The following CACNA1A variants were observed in gnomAD, a reference collection of about 807,000 sequenced individuals.
The protein encoded by CACNA1A is voltage-dependent P/Q-type calcium channel subunit alpha-1A.
A neutral mutation model predicts 262.4 loss-of-function variants in CACNA1A; 57 were observed. That is an observed-to-expected ratio of 0.22 (90% confidence interval 0.18 to 0.27). The LOEUF is 0.27. Among genes scored for constraint, CACNA1A ranks in the 10% least tolerant of loss-of-function variants. The probability of loss-of-function intolerance (pLI) is 1.00; values close to 1 mark genes in which losing one functional copy is unlikely to be tolerated. For synonymous variants in CACNA1A, 1,431 were observed against 1,419.3 expected (o/e 1.01, Z -0.18); for missense variants, 2,526 against 3,562.8 (o/e 0.71, Z 7.41).
chr19:13,239,112 C>T (rs2055982820), intron 31 of CACNA1A, among the ~76,000 whole-genome samples: 1 of 94,342 alleles, frequency 1.1e-5, no homozygotes, highest in South Asian at 2.3e-4. Flanking sequence ...CCAGTCGCGC[C>T]TCCCCTGCTT....
chr19:13,370,268 G>T (rs984388745), intron 4 of CACNA1A, among the ~76,000 whole-genome samples: 3 of 151,654 alleles, frequency 2.0e-5, no homozygotes, highest in Non-Finnish European at 4.4e-5. Context: ...GCCCGGCTAA[G>T]TTTTGTATTT....
chr19:13,279,508 T>A (rs1029388509), intron 22 of CACNA1A, among the ~76,000 whole-genome samples: 1 of 152,056 alleles, frequency 6.6e-6, no homozygotes, highest in Non-Finnish European at 1.5e-5. Flanking sequence ...TTTTTTGAGA[T>A]GGTGTCTCAC....
intron 6 of CACNA1A, among the ~76,000 whole-genome samples, chr19:13,343,985 A>G (rs897648550): frequency 6.6e-6 from 1 of 152,160 alleles, no homozygotes; most frequent in Non-Finnish European, 1.5e-5. Context: ...CTAAGGCAGG[A>G]GGATCGCTTG....
intron 1 of CACNA1A, among the ~76,000 whole-genome samples, chr19:13,496,710 T>G (rs1018409867): frequency 1.3e-5 from 2 of 152,168 alleles, no homozygotes; most frequent in African/African-American, 2.4e-5. Context: ...AGCAGAATAT[T>G]AACACTTATG....
chr19:13,325,238 C>T (rs1399362025), intron 10 of CACNA1A, among the ~76,000 whole-genome samples: 4 of 148,564 alleles, frequency 2.7e-5, no homozygotes, highest in African/African-American at 5.0e-5. Context: ...GTGTCTCACA[C>T]CTGTAATCAC....
chr19:13,479,546 A>C (rs543710413), intron 1 of CACNA1A, among the ~76,000 whole-genome samples: 44 of 152,344 alleles, frequency 2.9e-4, no homozygotes, highest in African/African-American at 1.0e-3. Context: ...GCTTTCTCCC[A>C]AGGCAGAGAA....
chr19:13,394,677 T>C (rs1376300240), intron 3 of CACNA1A, among the ~76,000 whole-genome samples: 8 of 152,218 alleles, frequency 5.3e-5, no homozygotes, highest in Admixed American at 4.6e-4. Context: ...GCATCGTCAC[T>C]GTGGGAGGTG....
chr19:13,253,871 C>T (rs548608541), intron 29 of CACNA1A, among the ~76,000 whole-genome samples: 1 of 152,272 alleles, frequency 6.6e-6, no homozygotes, highest in African/African-American at 2.4e-5. Flanking sequence ...TCTCACGCAG[C>T]TGGTATTATA....
At chr19:13,227,661 TAG>T (rs533042532) in intron 36 of CACNA1A, 134 bp from the exon 37 acceptor site, 72 of 386,876 alleles carry the variant, frequency 1.9e-4, no homozygotes, top group South Asian at 1.4e-3. Context: ...GCCGAAAAAA[TAG>T]AGAGAGAAAG....
Position 13,283,420 on chromosome 19 carries a change from A to G in CACNA1A, c.3693-24T>C, listed in dbSNP as rs180721596. 2.5e-5 allele frequency: 41 copies of G among 1,613,656 alleles called. No individual in the cohort carries two copies. The Admixed American group carries it at 6.8e-4, about 27-fold the overall frequency. ...GGCTGTTGGAGACAGATGGGCGTGC[A>G]GAGGTCCACTCAGACCACAGGCTCA... On this transcript the variant is annotated intron_variant, in intron 21 of 46. Coordinates refer to ENST00000360228, the MANE Select transcript of CACNA1A (RefSeq NM_001127222.2).
At chr19:13,229,916 A>G in intron 36 of CACNA1A, 166 bp downstream of exon 36, 1 of 737,842 alleles carries the variant, frequency 1.4e-6, no homozygotes, top group Middle Eastern at 4.1e-4. Flanking sequence ...AATCTGGGGT[A>G]TGCAAGGGTG....
chr19:13,469,936 G>C (rs780470264), intron 1 of CACNA1A, among the ~76,000 whole-genome samples: 12 of 151,832 alleles, frequency 7.9e-5, no homozygotes, highest in Non-Finnish European at 1.6e-4. Context: ...TTCTCTCCTG[G>C]AAAAAATCCA....
At chr19:13,466,125 C>T (rs2061231440) in intron 1 of CACNA1A, among the ~76,000 whole-genome samples, 1 of 152,042 alleles carries the variant, frequency 6.6e-6, no homozygotes, top group Admixed American at 6.6e-5. Context: ...GCAGTAAATG[C>T]CACAGAGCCG....
chr19:13,376,841 T>C (rs1053829901), intron 3 of CACNA1A, among the ~76,000 whole-genome samples: 9 of 147,244 alleles, frequency 6.1e-5, no homozygotes, highest in African/African-American at 2.2e-4. Flanking sequence ...ATGTTATATG[T>C]GATATATAAC....
chr19:13,417,348 T>C (rs1196345307), intron 3 of CACNA1A, among the ~76,000 whole-genome samples: 1 of 152,130 alleles, frequency 6.6e-6, no homozygotes, highest in Non-Finnish European at 1.5e-5. Flanking sequence ...AAGGCTGTCA[T>C]GTTTCGGTTT....
At chr19:13,399,431 A>G (rs1287792711) in intron 3 of CACNA1A, among the ~76,000 whole-genome samples, 2 of 145,284 alleles carry the variant, frequency 1.4e-5, no homozygotes, top group Admixed American at 1.3e-4. Context: ...AAGGAGAGAA[A>G]AGGAAAAAAA....
chr19:13,285,024 G>A, intron 21 of CACNA1A, 44 bp downstream of exon 21: 1 of 1,611,124 alleles, frequency 6.2e-7, no homozygotes, highest in Non-Finnish European at 8.5e-7. Context: ...CCACCCTGGT[G>A]GGAGCCCCAG....
rs1248444650 is a variant in CACNA1A, at chr19:13,298,907, C to T, written c.2726G>A (p.Ser909Asn). The change falls in exon 19 of 47, where the codon AGC becomes AAC. Residue 909 changes from serine (S) to asparagine (N), a missense_variant. By Grantham distance (46) the Ser-to-Asn change is conservative. Coordinates refer to ENST00000360228, the MANE Select transcript of CACNA1A (RefSeq NM_001127222.2). ...RESDHHAREG[S>N]LEQPGFWEGE... is the part of the protein sequence containing the mutation. Reference sequence around the variant, plus strand: ...CTCCCAGAACCCGGGTTGCTCCAGGCTGCCCTCCCGGGCGTGGTGGTCCGA... The same window carrying T: ...CTCCCAGAACCCGGGTTGCTCCAGGTTGCCCTCCCGGGCGTGGTGGTCCGA... 2 of 1,594,986 alleles carry T rather than the reference C, an allele frequency of 1.3e-6. No individual in the cohort carries two copies. The highest frequency in any genetic ancestry group is 1.7e-5 in the Admixed American group (1 of 59,696).
intron 6 of CACNA1A, among the ~76,000 whole-genome samples, chr19:13,355,315 C>T (rs1040306035): frequency 8.5e-5 from 13 of 152,172 alleles, no homozygotes; most frequent in Non-Finnish European, 1.6e-4. Context: ...TTTTGAGGGG[C>T]GTGTTGTCAG....
Sources: gnomAD v4.1 joint callset for allele counts (sites outside exome capture counted in the v4.1 genomes callset) on GRCh38, gnomAD v4.1.1 for gene constraint, MANE v1.5 for transcripts, NCBI Gene and HGNC (gene_info 2026-07-23, HGNC 2026-07-21) for gene names.